The following B3GALT1 variants were observed in gnomAD, a reference collection of about 807,000 sequenced individuals.
The protein encoded by B3GALT1 is UDP-Gal:betaGlcNAc beta 1,3-galactosyltransferase, polypeptide 1.
A neutral mutation model predicts 23.2 loss-of-function variants in B3GALT1; 10 were observed. That is an observed-to-expected ratio of 0.43 (90% CI 0.27 to 0.73). The LOEUF is 0.73. Ranked by LOEUF, B3GALT1 falls within the 30% of genes least tolerant of loss-of-function variation. The pLI is 0.21. For synonymous variants in B3GALT1, 156 were observed against 141.5 expected, an observed-to-expected ratio of 1.10 and a Z score of -0.73; for missense variants, 299 against 405.4, an observed-to-expected ratio of 0.74 and a Z score of 2.25.
chr2:167,692,250 C>A (rs1175732619), intron 3 of B3GALT1, among the ~76,000 whole-genome samples: 1 of 152,130 alleles, frequency 6.6e-6, no homozygotes, highest in African/African-American at 2.4e-5. Flanking sequence ...ATTAAGGCAG[C>A]AGACTCCTGC....
At chr2:167,778,105 T>C (rs915087279) in intron 3 of B3GALT1, among the ~76,000 whole-genome samples, 1 of 152,348 alleles carries the variant, frequency 6.6e-6, no homozygotes, top group African/African-American at 2.4e-5. Flanking sequence ...ATCCATTTAT[T>C]CAGTCCATAT....
chr2:167,592,858 A>G (rs746819518), intron 2 of B3GALT1, among the ~76,000 whole-genome samples: 1 of 152,170 alleles, frequency 6.6e-6, no homozygotes, highest in Non-Finnish European at 1.5e-5. Context: ...ACTTATGTAT[A>G]GAGTACTGCA....
intron 2 of B3GALT1, among the ~76,000 whole-genome samples, chr2:167,553,398 A>G (rs1196770227): frequency 6.6e-6 from 1 of 152,230 alleles, no homozygotes; most frequent in Non-Finnish European, 1.5e-5. Context: ...TCACATGAGG[A>G]AATTGAGACC....
chr2:167,803,624 A>G (rs1353491757), intron 3 of B3GALT1, among the ~76,000 whole-genome samples: 3 of 152,128 alleles, frequency 2.0e-5, no homozygotes, highest in Non-Finnish European at 4.4e-5. Context: ...AGGGTCTTGT[A>G]TGTAGCAGCT....
rs776852759 is a variant in B3GALT1 at position 167,424,610 on chromosome 2, T to A, written c.-510-65567T>A. ...GTGTGTATGTGTGTGTGTGGTGATT[T>A]CCAAAATGATGAAGCAAAATAGTTT... is the stretch of plus-strand genomic sequence containing the variant. On this transcript the variant is annotated intron_variant, in intron 1 of 4. Transcript: ENST00000392690. Among the ~76,000 whole-genome samples, 101 of 152,170 alleles carry A rather than the reference T, an allele frequency of 6.6e-4. 1 individual carries two copies. The highest frequency in any genetic ancestry group is 1.1e-3 in the Non-Finnish European group (75 of 67,972).
chr2:167,644,509 A>G (rs1384749701), intron 2 of B3GALT1, among the ~76,000 whole-genome samples: 1 of 152,122 alleles, frequency 6.6e-6, no homozygotes, highest in African/African-American at 2.4e-5. Context: ...CGCAGGGCAC[A>G]GTGGCTCACG....
At chr2:167,462,131 C>G (rs1045526714) in intron 1 of B3GALT1, among the ~76,000 whole-genome samples, 33 of 152,134 alleles carry the variant, frequency 2.2e-4, no homozygotes, top group African/African-American at 7.5e-4. Flanking sequence ...TAAATAACCT[C>G]AAGAGCATAT....
In B3GALT1 at chr2:167,870,637, A is replaced by G. The variant is rs77238840; in HGVS notation, c.*617A>G. The G allele has an allele frequency of 6.9e-4, 116 of 167,220 alleles. No homozygotes were observed. Among genetic ancestry groups the G allele is most frequent in the African/African-American group, 2.6e-3 (110 of 41,572 alleles). 10.4% of individuals were successfully genotyped at this position (167,220 alleles called of 1,614,324 possible). A position where few individuals can be genotyped will look rare whatever the true frequency, so the allele number is the denominator to read the frequency against. On this transcript the variant is annotated 3_prime_UTR_variant, in exon 5 of 5. Coordinates refer to ENST00000392690, the MANE Select transcript of B3GALT1 (RefSeq NM_020981.4). ...GGAAGACAACTCTGCTTGCTCATCC[A>G]AGGATTAAATCTGGTCAGCAGGTGG...
At chr2:167,304,137 A>T (rs939365959) in intron 1 of B3GALT1, among the ~76,000 whole-genome samples, 2 of 152,304 alleles carry the variant, frequency 1.3e-5, no homozygotes, top group African/African-American at 4.8e-5. Context: ...AGCTAATCCC[A>T]GGATGAAGTT....
At chr2:167,510,975 A>G (rs1429110961) in intron 2 of B3GALT1, among the ~76,000 whole-genome samples, 1 of 152,200 alleles carries the variant, frequency 6.6e-6, no homozygotes, top group Non-Finnish European at 1.5e-5. Context: ...AAATAGCAAT[A>G]TTAGAATCAA....
chr2:167,763,417 G>C (rs926482555), intron 3 of B3GALT1, among the ~76,000 whole-genome samples: 10 of 152,258 alleles, frequency 6.6e-5, no homozygotes, highest in African/African-American at 2.2e-4. Flanking sequence ...AGAGCTGCAT[G>C]TTTTAAACTA....
chr2:167,731,046 T>C (rs1687401928), intron 3 of B3GALT1, among the ~76,000 whole-genome samples: 1 of 152,154 alleles, frequency 6.6e-6, no homozygotes, highest in Non-Finnish European at 1.5e-5. Context: ...AGTGGTGCAG[T>C]AGGGACTTGA....
At chr2:167,809,997 C>A (rs1258098422) in intron 3 of B3GALT1, among the ~76,000 whole-genome samples, 1 of 152,228 alleles carries the variant, frequency 6.6e-6, no homozygotes, top group African/African-American at 2.4e-5. Flanking sequence ...GCGCCCCTCC[C>A]CCAGCCTCGC....
chr2:167,467,554 T>A (rs76691232), intron 1 of B3GALT1, among the ~76,000 whole-genome samples: 130 of 152,334 alleles, frequency 8.5e-4, no homozygotes, highest in African/African-American at 3.0e-3. Flanking sequence ...TGATGACATA[T>A]GACTGGCAGA....
chr2:167,498,434 A>G (rs938451894), intron 2 of B3GALT1, among the ~76,000 whole-genome samples: 1 of 152,182 alleles, frequency 6.6e-6, no homozygotes, highest in African/African-American at 2.4e-5. Flanking sequence ...AATGTTAATA[A>G]AAAGGTATGC....
At chr2:167,656,315 A>C (rs1169801816) in intron 3 of B3GALT1, among the ~76,000 whole-genome samples, 1 of 152,166 alleles carries the variant, frequency 6.6e-6, no homozygotes, top group Non-Finnish European at 1.5e-5. Flanking sequence ...ACTTGTAGAT[A>C]ATCACAATAG....
chr2:167,450,931 C>T (rs950803228), intron 1 of B3GALT1, among the ~76,000 whole-genome samples: 4 of 151,742 alleles, frequency 2.6e-5, no homozygotes, highest in Admixed American at 2.0e-4. Context: ...TATGTTAATT[C>T]GGAAACTTTG....
intron 3 of B3GALT1, among the ~76,000 whole-genome samples, chr2:167,787,313 G>A (rs1417671958): frequency 6.6e-6 from 1 of 152,146 alleles, no homozygotes; most frequent in Non-Finnish European, 1.5e-5. Context: ...GGAAGTTTAT[G>A]TACTAGCAGG....
intron 3 of B3GALT1, among the ~76,000 whole-genome samples, chr2:167,815,722 G>T (rs1688981833): frequency 6.6e-6 from 1 of 152,142 alleles, no homozygotes; most frequent in Non-Finnish European, 1.5e-5. Context: ...CGAAAAAGAA[G>T]GGGTGATATT....
Sources: allele counts gnomAD v4.1 joint callset (sites outside exome capture counted in the v4.1 genomes callset), GRCh38; gene constraint gnomAD v4.1.1; transcripts MANE v1.5; gene names NCBI Gene and HGNC (gene_info 2026-07-23, HGNC 2026-07-21).